The following CSMD1 variants were observed in gnomAD, a reference collection of about 807,000 sequenced individuals.
The protein encoded by CSMD1 is CUB and sushi domain-containing protein 1.
In CSMD1, 213 loss-of-function variants were observed where a neutral mutation model predicts 417.5. The observed-to-expected ratio is 0.51, with a 90% CI of 0.46 to 0.57. The LOEUF (loss-of-function observed/expected upper bound fraction) is 0.57. CSMD1 is among the 20% of genes least tolerant of loss of function. The pLI is 0.00. For synonymous variants in CSMD1, 2,862 were observed against 1,736.8 expected (o/e 1.65, Z -16.11); for missense variants, 6,923 against 4,529.7 (o/e 1.53, Z -15.17).
chr8:4,722,985 C>A (rs1809162170), intron 1 of CSMD1, among the ~76,000 whole-genome samples: 1 of 152,094 alleles, frequency 6.6e-6, no homozygotes, highest in African/African-American at 2.4e-5. Flanking sequence ...TATCATTTTT[C>A]TTTACTTGTG....
intron 7 of CSMD1, among the ~76,000 whole-genome samples, chr8:3,652,485 G>T (rs748121618): frequency 1.3e-5 from 2 of 152,200 alleles, no homozygotes; most frequent in Non-Finnish European, 2.9e-5. Context: ...ACCTGAGACT[G>T]GGTATTTTAT....
intron 1 of CSMD1, among the ~76,000 whole-genome samples, chr8:4,723,787 T>TAAAAAAAAAAAAAAAA (rs57096241): frequency 8.4e-5 from 11 of 131,486 alleles, no homozygotes; most frequent in African/African-American, 3.3e-4. Flanking sequence ...CTTTCGAATG[T>TAAAAAAAAAAAAAAAA]AAAAAAAAAA....
chr8:3,842,734 A>C (rs1803215828), intron 5 of CSMD1, among the ~76,000 whole-genome samples: 1 of 152,162 alleles, frequency 6.6e-6, no homozygotes, highest in Non-Finnish European at 1.5e-5. Flanking sequence ...TCAAGATTAA[A>C]ATTGGGAAAC....
At chr8:4,159,368 T>C (rs151169431) in intron 3 of CSMD1, among the ~76,000 whole-genome samples, 305 of 152,336 alleles carry the variant, frequency 2.0e-3, no homozygotes, top group African/African-American at 7.1e-3. Flanking sequence ...TGTGATTCAG[T>C]AATCCCACTA....
intron 7 of CSMD1, among the ~76,000 whole-genome samples, chr8:3,678,599 T>C (rs979408162): frequency 6.6e-6 from 1 of 151,982 alleles, no homozygotes; most frequent in Non-Finnish European, 1.5e-5. Context: ...TGGAAACAAG[T>C]TGGAAAACAC....
intron 3 of CSMD1, among the ~76,000 whole-genome samples, chr8:4,326,592 T>A (rs1799576316): frequency 6.6e-6 from 1 of 152,098 alleles, no homozygotes; most frequent in South Asian, 2.1e-4. Context: ...CTTCTTTTTC[T>A]CTCCTACGGA....
chr8:3,506,527 A>G (rs1445091405), intron 10 of CSMD1, among the ~76,000 whole-genome samples: 1 of 152,222 alleles, frequency 6.6e-6, no homozygotes, highest in Non-Finnish European at 1.5e-5. Flanking sequence ...AGCAGCAGTT[A>G]CACAGATACT....
chr8:3,156,196 C>G (rs1285927949), intron 39 of CSMD1, among the ~76,000 whole-genome samples: 1 of 152,176 alleles, frequency 6.6e-6, no homozygotes, highest in East Asian at 1.9e-4. Flanking sequence ...TCCTAAAACA[C>G]CATTTGGCAG....
chr8:4,635,688 C>G (rs1267337405), intron 2 of CSMD1, among the ~76,000 whole-genome samples: 2 of 152,062 alleles, frequency 1.3e-5, no homozygotes, highest in Admixed American at 1.3e-4. Context: ...TAATACACTA[C>G]TATACCCTAG....
intron 5 of CSMD1, among the ~76,000 whole-genome samples, chr8:3,762,512 G>A (rs976956651): frequency 6.6e-6 from 1 of 152,190 alleles, no homozygotes; most frequent in East Asian, 1.9e-4. Context: ...GAGGTAGGAT[G>A]TTTATATCCT....
chr8:4,930,394 T>A (rs1343799995), intron 1 of CSMD1, among the ~76,000 whole-genome samples: 1 of 152,108 alleles, frequency 6.6e-6, no homozygotes, highest in African/African-American at 2.4e-5. Flanking sequence ...CATATATATA[T>A]ACACATATAC....
At chr8:3,828,960 G>A (rs1339720435) in intron 5 of CSMD1, among the ~76,000 whole-genome samples, 23 of 151,878 alleles carry the variant, frequency 1.5e-4, no homozygotes, top group Admixed American at 1.4e-3. Flanking sequence ...CTTACATATG[G>A]CAACACAGTT....
chr8:3,716,367 G>A (rs1008208685), intron 6 of CSMD1, among the ~76,000 whole-genome samples: 1 of 152,248 alleles, frequency 6.6e-6, no homozygotes, highest in Non-Finnish European at 1.5e-5. Context: ...AGACAGAACA[G>A]TCTTGAAGGC....
chr8:4,080,564 C>A (rs1216784057), intron 3 of CSMD1, among the ~76,000 whole-genome samples: 1 of 152,176 alleles, frequency 6.6e-6, no homozygotes, highest in Admixed American at 6.5e-5. Flanking sequence ...GAAGATAAAA[C>A]TGTATTGCAT....
At chr8:4,290,853 A>C (rs967783570) in intron 3 of CSMD1, among the ~76,000 whole-genome samples, 1 of 152,200 alleles carries the variant, frequency 6.6e-6, no homozygotes, top group African/African-American at 2.4e-5. Context: ...GAAAATATCC[A>C]TCTGTTTCTT....
intron 46 of CSMD1, among the ~76,000 whole-genome samples, chr8:3,100,573 C>A (rs907802139): frequency 6.6e-6 from 1 of 152,186 alleles, no homozygotes; most frequent in Non-Finnish European, 1.5e-5. Flanking sequence ...GGAAACCTCT[C>A]ACCATAGGGG....
chr8:2,988,645 G>A (rs957411501), intron 54 of CSMD1, among the ~76,000 whole-genome samples: 3 of 152,132 alleles, frequency 2.0e-5, no homozygotes, highest in Admixed American at 2.0e-4. Flanking sequence ...ATCTTCAACT[G>A]TATAAATTAT....
chr8:3,499,299 G>T lies in CSMD1; in HGVS notation c.1345-5573C>A, dbSNP rs4242514. ...TGTAGCTGTCTGAGTAGCCTTGGCT[G>T]CAGGTGTTTGTGGAAGTGTTGGTTC... On this transcript the variant is annotated intron_variant, in intron 10 of 69. Coordinates refer to ENST00000635120, the MANE Select transcript of CSMD1 (RefSeq NM_033225.6). 3.8e-3 allele frequency among the ~76,000 whole-genome samples: 583 copies of T among 152,218 alleles called. 3 individuals are homozygous for T. The highest frequency in any genetic ancestry group is 6.7e-3 in the Non-Finnish European group (459 of 68,012).
At chr8:4,078,512 C>T (rs992512292) in intron 3 of CSMD1, among the ~76,000 whole-genome samples, 7 of 151,780 alleles carry the variant, frequency 4.6e-5, no homozygotes, top group Admixed American at 2.6e-4. Flanking sequence ...GATCTGCCCA[C>T]CTCGGCCTCC....
Sources: allele counts gnomAD v4.1 joint callset (sites outside exome capture counted in the v4.1 genomes callset), GRCh38; gene constraint gnomAD v4.1.1; transcripts MANE v1.5; gene names NCBI Gene and HGNC (gene_info 2026-07-23, HGNC 2026-07-21).